CADPS2: variants seen among roughly 807,000 people sequenced by gnomAD.
CADPS2 encodes calcium-dependent secretion activator 2.
In CADPS2, 93 loss-of-function variants were observed where a neutral mutation model predicts 172.5. The ratio of observed to expected loss-of-function variants is 0.54; its 90% CI spans 0.46 to 0.64. The LOEUF (loss-of-function observed/expected upper bound fraction) is 0.64. Among genes scored for constraint, CADPS2 ranks in the 30% least tolerant of loss-of-function variants. The probability of loss-of-function intolerance (pLI) is 0.00; values close to 1 mark genes in which losing one functional copy is unlikely to be tolerated. For missense variants in CADPS2, 1,420 were observed against 1,565.9 expected, an observed-to-expected ratio of 0.91 and a Z score of 1.57; for synonymous variants, 546 against 555.2, an observed-to-expected ratio of 0.98 and a Z score of 0.23.
chr7:122,321,949 A>G (rs2032641260), intron 29 of CADPS2, among the ~76,000 whole-genome samples: 1 of 152,232 alleles, frequency 6.6e-6, no homozygotes, highest in Non-Finnish European at 1.5e-5. Flanking sequence ...TTGTCATAAT[A>G]AGCTCATTCT....
At chr7:122,756,012 T>C (rs566496931) in intron 1 of CADPS2, among the ~76,000 whole-genome samples, 1 of 152,352 alleles carries the variant, frequency 6.6e-6, no homozygotes, top group South Asian at 2.1e-4. Context: ...AGAACATCAT[T>C]TGTTATTGTT....
intron 25 of CADPS2, chr7:122,368,329 A>T (rs1037436374): frequency 6.6e-6 from 1 of 152,482 alleles, no homozygotes; most frequent in Non-Finnish European, 1.5e-5. Flanking sequence ...CAACCCAGAT[A>T]TAAAAGGGAC....
At chr7:122,329,356 T>A (rs1330276945) in intron 28 of CADPS2, among the ~76,000 whole-genome samples, 2 of 152,120 alleles carry the variant, frequency 1.3e-5, no homozygotes, top group East Asian at 3.9e-4. Flanking sequence ...TCCTAAATAG[T>A]GCAGCTGAGC....
chr7:122,615,062 G>A (rs1022201941), intron 6 of CADPS2, 119 bp downstream of exon 6: 10 of 500,430 alleles, frequency 2.0e-5, no homozygotes, highest in East Asian at 3.1e-5. Flanking sequence ...GACAAAGTTA[G>A]CCAAATAGCA....
chr7:122,440,394 A>G, intron 16 of CADPS2: 1 of 152,224 alleles, frequency 6.6e-6, no homozygotes, highest in East Asian at 1.9e-4. Flanking sequence ...ACCTTAATGA[A>G]TAGGATGACA....
chr7:122,699,650 G>C (rs1056825246), intron 2 of CADPS2, among the ~76,000 whole-genome samples: 2 of 152,134 alleles, frequency 1.3e-5, no homozygotes, highest in African/African-American at 4.8e-5. Flanking sequence ...TAAAGTAAGG[G>C]ATCCTGCTCA....
At chr7:122,399,626 T>C (rs1165745214) in intron 20 of CADPS2, among the ~76,000 whole-genome samples, 4 of 147,064 alleles carry the variant, frequency 2.7e-5, no homozygotes, top group Non-Finnish European at 4.5e-5. Context: ...AGTACAGCTA[T>C]ATCATGATCG....
At chr7:122,344,906 T>G (rs1438682971) in intron 28 of CADPS2, among the ~76,000 whole-genome samples, 2 of 152,092 alleles carry the variant, frequency 1.3e-5, no homozygotes, top group African/African-American at 2.4e-5. Context: ...TCAACTATAT[T>G]AGCTGCAAAT....
Position 122,387,078 on chromosome 7 carries a change from A to G in CADPS2, c.3260T>C (p.Val1087Ala), listed in dbSNP as rs1196533017. The stretch of plus-strand genomic sequence containing the variant: ...TTTGGTGCTTTGCTTTTTGGCATCG[A>G]CTAATACATTAAACATAGTGCAAAC... ...ASVCTMFNVL[V>A]DAKKQSTKLC... is the part of the protein sequence containing the mutation. The change falls in exon 24 of 30, where the codon GTC becomes GCC. Residue 1087 changes from valine to alanine, a missense_variant. By Grantham distance (64) the Val-to-Ala change is moderately conservative. Transcript: ENST00000449022. 6.4e-7 allele frequency: 1 copy of G among 1,562,142 alleles called. No homozygotes were observed. The highest frequency in any genetic ancestry group is 2.4e-5 in the East Asian group (1 of 42,440).
At chr7:122,790,523 T>C (rs374790937) in intron 1 of CADPS2, among the ~76,000 whole-genome samples, 9 of 152,098 alleles carry the variant, frequency 5.9e-5, no homozygotes, top group African/African-American at 1.7e-4. Context: ...GCCAATTTAA[T>C]TGTTGCAAAT....
At chr7:122,644,553 C>T (rs1014199671) in intron 3 of CADPS2, among the ~76,000 whole-genome samples, 6 of 152,074 alleles carry the variant, frequency 3.9e-5, no homozygotes, top group Non-Finnish European at 2.9e-5. Context: ...GAACGACTTG[C>T]GTTAATTTTA....
intron 20 of CADPS2, among the ~76,000 whole-genome samples, chr7:122,400,792 C>T (rs1001632454): frequency 1.3e-5 from 2 of 152,172 alleles, no homozygotes; most frequent in Non-Finnish European, 2.9e-5. Flanking sequence ...AACACCAATT[C>T]GTGAATTTCA....
intron 1 of CADPS2, among the ~76,000 whole-genome samples, chr7:122,799,548 A>G (rs899229162): frequency 9.9e-5 from 15 of 151,048 alleles, no homozygotes; most frequent in Non-Finnish European, 1.3e-4. Context: ...AGCTTGCAGT[A>G]AGCAGAGATC....
intron 9 of CADPS2, among the ~76,000 whole-genome samples, chr7:122,494,379 G>C (rs1197563069): frequency 6.6e-6 from 1 of 152,060 alleles, no homozygotes; most frequent in East Asian, 1.9e-4. Flanking sequence ...TAAGCGGTTT[G>C]GTTAAAATAT....
chr7:122,561,331 A>AT (rs2065743918), intron 7 of CADPS2, among the ~76,000 whole-genome samples: 1 of 151,624 alleles, frequency 6.6e-6, no homozygotes, highest in African/African-American at 2.4e-5. Context: ...CCTTCTATAC[A>AT]CTTTTTTTTT....
Position 122,407,686 on chromosome 7 carries a change from C to A in CADPS2, c.2600G>T (p.Trp867Leu), listed in dbSNP as rs1463629813. The change falls in exon 20 of 30, where the codon TGG (tryptophan) becomes TTG (leucine). Residue 867 changes from tryptophan (W) to leucine (L), a missense_variant. Coordinates refer to ENST00000449022, the MANE Select transcript of CADPS2 (RefSeq NM_017954.11). The part of the protein sequence containing the change: ...HHAEGREAFA[W>L]WPDLLAEHAE... ...ATGTTCAGCCAATAAATCAGGCCACCAGGCAAATGCCTACAAAAGGATAAA... is the reference window on the plus strand; with the variant it reads ...ATGTTCAGCCAATAAATCAGGCCACAAGGCAAATGCCTACAAAAGGATAAA... 6.2e-7 allele frequency: 1 copy of A among 1,608,406 alleles called. No homozygotes were observed. Among genetic ancestry groups the A allele is most frequent in the South Asian group, 1.1e-5 (1 of 89,574 alleles).
intron 1 of CADPS2, among the ~76,000 whole-genome samples, chr7:122,789,945 G>C (rs1012889300): frequency 6.8e-6 from 1 of 147,218 alleles, no homozygotes; most frequent in South Asian, 2.1e-4. Context: ...TTAGAAAAAC[G>C]AACTATAAAG....
intron 11 of CADPS2, among the ~76,000 whole-genome samples, chr7:122,484,739 C>T (rs371446904): frequency 1.6e-4 from 24 of 151,542 alleles, no homozygotes; most frequent in African/African-American, 5.3e-4. Flanking sequence ...AAAATATTTG[C>T]AAATCACGTA....
At chr7:122,415,821 C>A (rs1295981712) in intron 18 of CADPS2, among the ~76,000 whole-genome samples, 1 of 152,182 alleles carries the variant, frequency 6.6e-6, no homozygotes, top group African/African-American at 2.4e-5. Flanking sequence ...AAATTATACA[C>A]ACACACAATT....
Sources: gnomAD v4.1 joint callset for allele counts (sites outside exome capture counted in the v4.1 genomes callset) on GRCh38, gnomAD v4.1.1 for gene constraint, MANE v1.5 for transcripts, NCBI Gene and HGNC (gene_info 2026-07-23, HGNC 2026-07-21) for gene names.